HDGFL2: variants seen among roughly 807,000 people sequenced by gnomAD.
The protein encoded by HDGFL2 is hepatoma-derived growth factor-related protein 2.
HDGFL2 carries 36 observed loss-of-function variants against 77.1 expected under a neutral mutation model. The ratio of observed to expected loss-of-function variants is 0.47; its 90% CI spans 0.36 to 0.62. HDGFL2 has a LOEUF of 0.62. HDGFL2 is among the 20% of genes least tolerant of loss of function. The pLI is 0.00. For missense variants in HDGFL2, 976 were observed against 973.4 expected (o/e 1.00, Z -0.04); for synonymous variants, 463 against 413.1 (o/e 1.12, Z -1.46).
chr19:4,479,734 C>T (rs932460351), intron 3 of HDGFL2, among the ~76,000 whole-genome samples: 11 of 151,844 alleles, frequency 7.2e-5, no homozygotes, highest in Admixed American at 1.3e-4. Context: ...CAGTGAAACC[C>T]TGCCTCTACA....
chr19:4,493,222 GGT>G (rs1491566867), intron 6 of HDGFL2, among the ~76,000 whole-genome samples: 8 of 139,724 alleles, frequency 5.7e-5, no homozygotes, highest in Middle Eastern at 8.8e-3. Flanking sequence ...TGTGTGGTGT[GGT>G]GTGTGGTATC....
At chr19:4,498,432 G>C (rs746289836) in intron 12 of HDGFL2, 56 bp downstream of exon 12, 129 of 1,401,406 alleles carry the variant, frequency 9.2e-5, no homozygotes, top group Non-Finnish European at 1.1e-4. Flanking sequence ...TCCCTGCCAG[G>C]CTCCCTTAGA....
At position 4,488,356 on chromosome 19, in the gene HDGFL2, G is replaced by A. The variant is rs146707009; in HGVS notation, c.289-320G>A. ...CCACTTCCATGCTTTCCTGGTCACA[G>A]GCCTCTGAGGTCAAAACTGAGCCAT... On this transcript the variant is annotated intron_variant, in intron 3 of 15. Transcript: ENST00000616600. Among the ~76,000 whole-genome samples the A allele has an allele frequency of 9.4e-3, 1,431 of 152,318 alleles. 15 individuals carry two copies. The highest frequency in any genetic ancestry group is 0.014 in the Non-Finnish European group (971 of 68,040).
rs749777732 is a variant in HDGFL2 at position 4,475,500 on chromosome 19, G to A, written c.205G>A (p.Gly69Arg). The A allele has an allele frequency of 1.2e-6, 2 of 1,606,800 alleles. No homozygotes were observed. The highest frequency in any genetic ancestry group is 1.8e-5 in the Admixed American group (1 of 56,832). Residue 69 changes from glycine to arginine, a missense_variant, in exon 3 of 16, where the codon GGG (glycine) becomes AGG (arginine). Gly to Arg is a moderately radical substitution (Grantham distance 125). Around this residue, in one of 5 missense-constraint regions of HDGFL2, gnomAD observed 103 missense variants for 145.7 expected, o/e 0.71. Coordinates refer to ENST00000616600, the MANE Select transcript of HDGFL2 (RefSeq NM_001001520.3). Reference protein sequence around the residue: ...FPYDKCKDKYGKPNKRKGFNE... With the variant: ...FPYDKCKDKYRKPNKRKGFNE... ...CTACGACAAATGTAAAGACAAGTAC[G>A]GGAAGCCCAACAAGAGGAAAGGCTT...
Position 4,499,642 on chromosome 19 carries a change from C to T in HDGFL2, c.1727C>T (p.Ala576Val). ...AAGGAGAAGGCCGAGGAGAAGCTGGCCGGGGAGGAGCTGGCCGGGGAGGAG... is the reference window on the plus strand; with the variant it reads ...AAGGAGAAGGCCGAGGAGAAGCTGGTCGGGGAGGAGCTGGCCGGGGAGGAG... The part of the protein sequence containing the change: ...MEKEKAEEKL[A>V]GEELAGEEAP... The change falls in exon 14 of 16, where the codon GCC (alanine) becomes GTC (valine). Residue 576 changes from alanine to valine, a missense_variant. Transcript: ENST00000616600. The T allele has an allele frequency of 1.3e-6, 2 of 1,585,188 alleles. No individual in the cohort carries two copies. The highest frequency in any genetic ancestry group is 1.7e-6 in the Non-Finnish European group (2 of 1,165,176).
intron 9 of HDGFL2, among the ~76,000 whole-genome samples, chr19:4,495,219 C>T (rs1975669738): frequency 1.3e-5 from 2 of 151,854 alleles, no homozygotes; most frequent in South Asian, 2.1e-4. Flanking sequence ...AACCCTGTCT[C>T]TACTAAAAAT....
intron 15 of HDGFL2, chr19:4,501,650 G>A (rs1975889768): frequency 2.1e-6 from 1 of 479,916 alleles, no homozygotes; most frequent in Non-Finnish European, 3.7e-6. Context: ...CATCACTGTG[G>A]GCTGCTGTCT....
At chr19:4,475,184 A>G in intron 1 of HDGFL2, 91 bp from the exon 2 acceptor site, 2 of 1,082,548 alleles carry the variant, frequency 1.8e-6, no homozygotes, top group South Asian at 2.7e-5. Flanking sequence ...CCCTCCTCCC[A>G]GCGTGATTTG....
rs777935887 is a variant in HDGFL2, at chr19:4,501,299, C to T, written c.1898C>T (p.Ser633Phe). 6.2e-7 allele frequency: 1 copy of T among 1,605,046 alleles called. No homozygotes were observed. The highest frequency in any genetic ancestry group is 1.1e-5 in the South Asian group (1 of 89,916). Residue 633 changes from serine (S) to phenylalanine (F), a missense_variant, in exon 15 of 16, where the codon TCC becomes TTC. Ser to Phe is a radical substitution (Grantham distance 155, BLOSUM62 -2). Transcript: ENST00000616600. Reference sequence around the variant, plus strand: ...TCGGAGGAGGGGCCAAGGTGTGGCTCCTCTGAAGACCTGCACGAGTGAGTG... The same window carrying T: ...TCGGAGGAGGGGCCAAGGTGTGGCTTCTCTGAAGACCTGCACGAGTGAGTG... Reference protein sequence around the residue: ...RDSEEGPRCGSSEDLHDSVRE... With the variant: ...RDSEEGPRCGFSEDLHDSVRE...
intron 3 of HDGFL2, among the ~76,000 whole-genome samples, chr19:4,477,442 G>A (rs1975101539): frequency 6.6e-6 from 1 of 152,142 alleles, no homozygotes; most frequent in Admixed American, 6.5e-5. Context: ...AGGTTTCCCT[G>A]GTTTCATACT....
At chr19:4,477,375 C>T (rs373225289) in intron 3 of HDGFL2, among the ~76,000 whole-genome samples, 76 of 152,260 alleles carry the variant, frequency 5.0e-4, no homozygotes, top group African/African-American at 1.8e-3. Context: ...CGGGGCCCAC[C>T]GATGTTGCAT....
chr19:4,499,770 G>T (rs1174585177), intron 14 of HDGFL2, 66 bp downstream of exon 14: 30 of 1,245,556 alleles, frequency 2.4e-5, no homozygotes, highest in Non-Finnish European at 3.2e-5. Flanking sequence ...ATGCTTTGCA[G>T]AACATTCCAG....
chr19:4,484,602 C>G (rs1261910995), intron 3 of HDGFL2, among the ~76,000 whole-genome samples: 1 of 151,454 alleles, frequency 6.6e-6, no homozygotes, highest in African/African-American at 2.4e-5. Flanking sequence ...CGGGTTCACA[C>G]CATTCTCCTG....
At position 4,501,903 on chromosome 19, in the gene HDGFL2, C is replaced by G; in HGVS notation, c.1917-8C>G. On this transcript the variant is annotated splice_polypyrimidine_tract_variant and splice_region_variant and intron_variant, in intron 15 of 15. Transcript: ENST00000616600. The stretch of plus-strand genomic sequence containing the variant: ...GCATCCTCACACCGCCTTTGCTGTT[C>G]CCACCAGCAGCGTACGGGAGGGTCC... 6.9e-7 allele frequency: 1 copy of G among 1,441,992 alleles called. No homozygotes were observed. The allele number at this position is 1,441,992 out of a possible 1,614,324, so 89.3% of individuals were successfully genotyped here.
At chr19:4,499,417 TG>T in intron 13 of HDGFL2, 73 bp from the exon 14 acceptor site, 2 of 1,399,184 alleles carry the variant, frequency 1.4e-6, no homozygotes, top group Non-Finnish European at 9.8e-7. Context: ...GGCGCATTGC[TG>T]GGGCGAGGGG....
At chr19:4,478,836 C>G (rs973344063) in intron 3 of HDGFL2, among the ~76,000 whole-genome samples, 1 of 151,890 alleles carries the variant, frequency 6.6e-6, no homozygotes, top group African/African-American at 2.4e-5. Flanking sequence ...AGGCATGTGC[C>G]ACCACGCCCG....
At chr19:4,493,571 C>T (rs1975605921) in intron 6 of HDGFL2, 132 bp from the exon 7 acceptor site, 6 of 1,192,816 alleles carry the variant, frequency 5.0e-6, no homozygotes, top group Non-Finnish European at 6.4e-6. Context: ...GGAGGGGATT[C>T]GGAGCCGGGC....
intron 3 of HDGFL2, among the ~76,000 whole-genome samples, chr19:4,476,293 A>G (rs1385655947): frequency 4.9e-5 from 7 of 143,976 alleles, no homozygotes; most frequent in East Asian, 2.1e-4. Flanking sequence ...TCCGGGTCCA[A>G]CTGACTCTGC....
chr19:4,480,592 G>T (rs943360910), intron 3 of HDGFL2, among the ~76,000 whole-genome samples: 1 of 152,172 alleles, frequency 6.6e-6, no homozygotes, highest in African/African-American at 2.4e-5. Context: ...GGCGGTGGGT[G>T]CCTGTGATCC....
Sources: gnomAD v4.1 joint callset for allele counts (sites outside exome capture counted in the v4.1 genomes callset) on GRCh38, gnomAD v4.1.1 for gene constraint, gnomAD v4.1.1 regional missense constraint, MANE v1.5 for transcripts, NCBI Gene and HGNC (gene_info 2026-07-23, HGNC 2026-07-21) for gene names.